Variants in PLCG2 observed in about 807,000 individuals in gnomAD.
PLCG2 encodes the protein phospholipase C gamma 2.
Under a neutral mutation model 175.6 loss-of-function variants are expected in PLCG2, and 69 were observed. The observed-to-expected ratio is 0.39, with a 90% confidence interval of 0.32 to 0.48. The LOEUF is 0.48. PLCG2 is among the 20% of genes least tolerant of loss of function. The pLI is 0.91. For missense variants in PLCG2, 1,798 were observed against 1,650.9 expected (o/e 1.09, Z -1.54); for synonymous variants, 827 against 624.0 (o/e 1.33, Z -4.85).
At chr16:81,789,263 C>G (rs1911118956) in intron 2 of PLCG2, among the ~76,000 whole-genome samples, 1 of 152,232 alleles carries the variant, frequency 6.6e-6, no homozygotes, top group African/African-American at 2.4e-5. Context: ...CTGAGTAATA[C>G]CATTTCACTC....
In PLCG2 at chr16:81,962,673, T is replaced by A. The variant is rs1911819611; in HGVS notation, c.*4675T>A. 1 of 216,584 alleles carries A rather than the reference T, an allele frequency of 4.6e-6. No homozygotes were observed. Among genetic ancestry groups the A allele is most frequent in the South Asian group, 1.9e-4 (1 of 5,392 alleles). 13.4% of individuals were successfully genotyped at this position (216,584 alleles called of 1,614,324 possible). ...TATCACATTTTGAAAAATAAAAGTT[T>A]CATCTGAATGAATATAGCAATCTGC... On this transcript the variant is annotated 3_prime_UTR_variant, in exon 33 of 33. Transcript: ENST00000564138.
At chr16:81,820,915 C>A (rs4889407) in intron 2 of PLCG2, among the ~76,000 whole-genome samples, 1 of 150,746 alleles carries the variant, frequency 6.6e-6, no homozygotes, top group Non-Finnish European at 1.5e-5. Flanking sequence ...ACCATCATGC[C>A]TGGCTAATTT....
chr16:81,749,679 G>C (rs192304928), intron 1 of PLCG2, among the ~76,000 whole-genome samples: 36 of 152,310 alleles, frequency 2.4e-4, no homozygotes, highest in Admixed American at 4.6e-4. Flanking sequence ...TAAAGAAATA[G>C]ATGAGTGTTA....
At chr16:81,754,711 G>C (rs1909887079) in intron 1 of PLCG2, among the ~76,000 whole-genome samples, 1 of 151,480 alleles carries the variant, frequency 6.6e-6, no homozygotes, top group Non-Finnish European at 1.5e-5. Flanking sequence ...CAATGTCAAA[G>C]GCCTGTCTGA....
At chr16:81,827,996 A>G (rs1002443949) in intron 2 of PLCG2, among the ~76,000 whole-genome samples, 2 of 149,964 alleles carry the variant, frequency 1.3e-5, no homozygotes, top group African/African-American at 4.9e-5. Flanking sequence ...AGGCTGAGGA[A>G]GGAGAATTGC....
intron 2 of PLCG2, among the ~76,000 whole-genome samples, chr16:81,828,067 G>C (rs564141797): frequency 6.2e-5 from 8 of 129,118 alleles, no homozygotes; most frequent in Admixed American, 9.1e-5. Flanking sequence ...TCCAGCCTGC[G>C]CAACAAGAGC....
chr16:81,893,688 C>T, intron 11 of PLCG2, 21 bp from the exon 12 acceptor site: 4 of 1,547,978 alleles, frequency 2.6e-6, no homozygotes, highest in South Asian at 1.1e-5. Context: ...CTCACACGGC[C>T]ACCTGCCTTC....
intron 5 of PLCG2, among the ~76,000 whole-genome samples, chr16:81,865,600 T>A (rs905537144): frequency 6.6e-6 from 1 of 152,166 alleles, no homozygotes; most frequent in East Asian, 1.9e-4. Flanking sequence ...GTCTCTCTGT[T>A]CCTGGACATG....
At chr16:81,865,408 G>A (rs1907179847) in intron 5 of PLCG2, among the ~76,000 whole-genome samples, 1 of 152,118 alleles carries the variant, frequency 6.6e-6, no homozygotes, top group East Asian at 1.9e-4. Context: ...GGAGAAAGCG[G>A]GTGAGGCTGT....
At chr16:81,951,066 C>G (rs8059606) in intron 31 of PLCG2, among the ~76,000 whole-genome samples, 3,550 of 152,282 alleles carry the variant, frequency 0.023, 143 homozygotes, top group African/African-American at 0.081. Flanking sequence ...TGGCTCACTG[C>G]AGCCTTGACC....
intron 19 of PLCG2, among the ~76,000 whole-genome samples, chr16:81,914,158 C>T (rs1340442408): frequency 6.6e-6 from 1 of 152,214 alleles, no homozygotes; most frequent in East Asian, 1.9e-4. Context: ...GGTGTTGGCA[C>T]TCCCACTGTG....
intron 2 of PLCG2, among the ~76,000 whole-genome samples, chr16:81,771,119 C>T (rs72832906): frequency 6.6e-6 from 1 of 151,998 alleles, no homozygotes; most frequent in African/African-American, 2.4e-5. Flanking sequence ...GAGCTCAGTA[C>T]ATTTTCATAA....
At chr16:81,823,411 A>G (rs1429410714) in intron 2 of PLCG2, among the ~76,000 whole-genome samples, 1 of 152,164 alleles carries the variant, frequency 6.6e-6, no homozygotes, top group Non-Finnish European at 1.5e-5. Flanking sequence ...CCCTCGCCCC[A>G]TGAGAGTCCA....
chr16:81,832,437 G>C (rs976431549), intron 2 of PLCG2, among the ~76,000 whole-genome samples: 2 of 152,196 alleles, frequency 1.3e-5, no homozygotes, highest in African/African-American at 4.8e-5. Context: ...TCACCCAGGT[G>C]GGAGCGCAGT....
chr16:81,849,618 C>A (rs1234657296), intron 2 of PLCG2, among the ~76,000 whole-genome samples: 4 of 151,762 alleles, frequency 2.6e-5, no homozygotes, highest in African/African-American at 4.8e-5. Context: ...TACACACACA[C>A]AAATTTTCCA....
chr16:81,753,445 G>A (rs1899775114), intron 1 of PLCG2, among the ~76,000 whole-genome samples: 1 of 141,900 alleles, frequency 7.0e-6, no homozygotes, highest in East Asian at 2.1e-4. Context: ...TTGAGATGGA[G>A]TCTCACTCTG....
At chr16:81,803,674 TTCC>T (rs1911861471) in intron 2 of PLCG2, among the ~76,000 whole-genome samples, 1 of 126,646 alleles carries the variant, frequency 7.9e-6, no homozygotes, top group South Asian at 3.1e-4. Flanking sequence ...CCTTCCTTCC[TTCC>T]TTCCTTTTCT....
At chr16:81,771,528 G>C (rs1910281229) in intron 2 of PLCG2, among the ~76,000 whole-genome samples, 1 of 152,132 alleles carries the variant, frequency 6.6e-6, no homozygotes, top group Non-Finnish European at 1.5e-5. Context: ...TGAGGCAGAG[G>C]ATTAGCCCTT....
intron 31 of PLCG2, among the ~76,000 whole-genome samples, chr16:81,954,543 T>C (rs1228858389): frequency 6.6e-6 from 1 of 152,200 alleles, no homozygotes; most frequent in South Asian, 2.1e-4. Context: ...CCTCCCTGTG[T>C]CCTCATTGTT....
Sources: gnomAD v4.1 joint callset for allele counts (sites outside exome capture counted in the v4.1 genomes callset) on GRCh38, gnomAD v4.1.1 for gene constraint, MANE v1.5 for transcripts, NCBI Gene and HGNC (gene_info 2026-07-23, HGNC 2026-07-21) for gene names.